The following COX18 variants were observed in gnomAD, a reference collection of about 807,000 sequenced individuals.
The protein encoded by COX18 is cytochrome c oxidase assembly factor COX18.
COX18 carries 45 observed loss-of-function variants against 38.0 expected under a neutral mutation model. The observed-to-expected ratio is 1.18, with a 90% CI of 0.93 to 1.52. The LOEUF (loss-of-function observed/expected upper bound fraction) is 1.52. Among genes scored for constraint, COX18 ranks in the 40% most tolerant of loss-of-function variants. COX18 has a pLI of 0.00. For synonymous variants in COX18, 177 were observed against 169.8 expected (o/e 1.04, Z -0.33); for missense variants, 462 against 423.8 (o/e 1.09, Z -0.79).
At chr4:73,058,334 C>T in intron 5 of COX18, 47 bp from the exon 6 acceptor site, 7 of 1,341,388 alleles carry the variant, frequency 5.2e-6, no homozygotes, top group Non-Finnish European at 7.3e-6. Flanking sequence ...TCTACAAGGA[C>T]ATCACAGTCC....
rs1430729979 is a variant in COX18, at chr4:73,065,320, A to T, written c.528T>A (p.Ile176=). 2.5e-6 allele frequency: 4 copies of T among 1,614,002 alleles called. No individual in the cohort carries two copies. In the Admixed American group the frequency reaches 6.7e-5, roughly 27 times the overall value. ...HPFKATVLVW[I]QLPMWIFMSF... ...ACATGAAGATCCACATTGGAAGCTGAATCCAAACCAACACAGTGGCTTTGA... is the reference window on the plus strand; with the variant it reads ...ACATGAAGATCCACATTGGAAGCTGTATCCAAACCAACACAGTGGCTTTGA... Residue 176 remains isoleucine, a synonymous_variant, in exon 3 of 6, where the codon ATT becomes ATA. Coordinates refer to ENST00000507544, the MANE Select transcript of COX18 (RefSeq NM_001297732.2).
intron 1 of COX18, 98 bp downstream of exon 1, chr4:73,069,219 A>G: frequency 1.1e-6 from 1 of 872,184 alleles, no homozygotes; most frequent in Non-Finnish European, 1.7e-6. Context: ...GCACTGCAGA[A>G]GGCAACATCG....
chr4:73,061,331 A>G (rs539769092), intron 5 of COX18, among the ~76,000 whole-genome samples: 29 of 152,318 alleles, frequency 1.9e-4, no homozygotes, highest in Middle Eastern at 3.4e-3. Context: ...AATTTAAAAA[A>G]AGGCAAGAAA....
At chr4:73,063,662 T>C (rs1720292840) in intron 4 of COX18, among the ~76,000 whole-genome samples, 1 of 152,230 alleles carries the variant, frequency 6.6e-6, no homozygotes, top group East Asian at 1.9e-4. Flanking sequence ...CTACCAAATA[T>C]TCACTGAACA....
chr4:73,065,177 T>TG, intron 3 of COX18, 73 bp downstream of exon 3: 1 of 598,742 alleles, frequency 1.7e-6, no homozygotes, highest in South Asian at 3.5e-5. Context: ...GTATGCTTTT[T>TG]TTTTTTTTTT....
Position 73,065,386 on chromosome 4 carries a change from C to A in COX18, c.462G>T (p.Arg154Ser). Residue 154 changes from arginine (R) to serine (S), a missense_variant, in exon 3 of 6, where the codon AGG becomes AGT. Coordinates refer to ENST00000507544, the MANE Select transcript of COX18 (RefSeq NM_001297732.2). ...CTCGCACATATAGCTCTGAAATTAG[C>A]CTCCTCATATTCTTTAGATAAGTGA... ...ARLTYLKNMR[R>S]LISELYVRDN... 6.2e-7 allele frequency: 1 copy of A among 1,612,988 alleles called. No individual in the cohort carries two copies. Among genetic ancestry groups the A allele is most frequent in the East Asian group, 2.2e-5 (1 of 44,870 alleles).
At position 73,056,336 on chromosome 4, in the gene COX18, T is replaced by C. The variant is rs532076056; in HGVS notation, c.*1778A>G. 1.3e-5 allele frequency: 2 copies of C among 152,344 alleles called. No individual in the cohort carries two copies. The highest frequency in any genetic ancestry group is 6.5e-5 in the Admixed American group (1 of 15,312). The allele number at this position is 152,344 out of a possible 1,614,324, so 9.4% of individuals were successfully genotyped here. On this transcript the variant is annotated 3_prime_UTR_variant, in exon 6 of 6. Transcript: ENST00000507544. ...CTATCATAGTTTAAGCCTATTAGGG[T>C]ACTTAATCCTTACAAATAAACAGGT...
Position 73,060,753 on chromosome 4 carries a change from G to A in COX18, c.831+1060C>T, listed in dbSNP as rs1447719973. ...AAATTAGCCAAGTGTGGTGGCGTGT[G>A]CCTGTAATCCCAGGTACTAGGGAGG... is the stretch of plus-strand genomic sequence containing the variant. On this transcript the variant is annotated intron_variant, in intron 5 of 5. Transcript: ENST00000507544. Among the ~76,000 whole-genome samples, 4 of 151,896 alleles carry A rather than the reference G, an allele frequency of 2.6e-5. No individual in the cohort carries two copies. The South Asian group carries it at 8.3e-4, about 32-fold the overall frequency.
intron 2 of COX18, among the ~76,000 whole-genome samples, chr4:73,067,706 G>A (rs1251211286): frequency 1.3e-5 from 2 of 150,168 alleles, no homozygotes; most frequent in Non-Finnish European, 3.0e-5. Flanking sequence ...CAGGCATGGT[G>A]GTGCCTACCT....
intron 1 of COX18, 59 bp from the exon 2 acceptor site, chr4:73,068,188 A>G: frequency 1.9e-6 from 2 of 1,048,276 alleles, no homozygotes; most frequent in Non-Finnish European, 2.8e-6. Flanking sequence ...ATAATGACTC[A>G]TAATCTTTCA....
At chr4:73,061,046 C>A (rs530809703) in intron 5 of COX18, among the ~76,000 whole-genome samples, 43 of 152,242 alleles carry the variant, frequency 2.8e-4, no homozygotes, top group Non-Finnish European at 5.7e-4. Flanking sequence ...GGGAAACATG[C>A]AAAAGACTGA....
At chr4:73,060,508 A>G (rs914856948) in intron 5 of COX18, among the ~76,000 whole-genome samples, 1 of 152,190 alleles carries the variant, frequency 6.6e-6, no homozygotes, top group Non-Finnish European at 1.5e-5. Context: ...TCTGCATAGG[A>G]TTAATGACAG....
intron 5 of COX18, among the ~76,000 whole-genome samples, chr4:73,058,714 C>T (rs1442066904): frequency 1.3e-5 from 2 of 152,122 alleles, no homozygotes; most frequent in African/African-American, 4.8e-5. Flanking sequence ...ATCTATCTTC[C>T]AAATGTTTCC....
At chr4:73,063,619 C>T (rs930908591) in intron 4 of COX18, among the ~76,000 whole-genome samples, 1 of 152,172 alleles carries the variant, frequency 6.6e-6, no homozygotes, top group Non-Finnish European at 1.5e-5. Context: ...GACATTGATT[C>T]ACTGTAACCT....
chr4:73,059,263 GTCCTGGAGGCAAAC>G (rs1720034954), intron 5 of COX18, among the ~76,000 whole-genome samples: 1 of 152,174 alleles, frequency 6.6e-6, no homozygotes, highest in Non-Finnish European at 1.5e-5. Flanking sequence ...TTAAGTCTAG[GTCCTGGAGGCAAAC>G]TGCCTGAATT....
At chr4:73,060,405 C>A (rs1199850005) in intron 5 of COX18, among the ~76,000 whole-genome samples, 1 of 152,156 alleles carries the variant, frequency 6.6e-6, no homozygotes. Context: ...TTTTACAACA[C>A]TACTACTTTA....
Position 73,061,793 on chromosome 4 carries a change from C to A in COX18, c.831+20G>T, listed in dbSNP as rs1379593156. On this transcript the variant is annotated intron_variant, in intron 5 of 5. Coordinates refer to ENST00000507544, the MANE Select transcript of COX18 (RefSeq NM_001297732.2). The stretch of plus-strand genomic sequence containing the variant: ...GAGAGGATTTAGCACATGCTACACA[C>A]AATATTGGTGCTTACTCACTGAGGG... 2.8e-6 allele frequency: 4 copies of A among 1,417,712 alleles called. No individual in the cohort carries two copies. The African/African-American group carries it at 5.7e-5, about 20-fold the overall frequency. The allele number at this position is 1,417,712 out of a possible 1,614,324, so 87.8% of individuals were successfully genotyped here.
rs781654851 is a variant in COX18 at position 73,068,030 on chromosome 4, T to C, written c.433A>G (p.Arg145Gly). 6.2e-7 allele frequency: 1 copy of C among 1,606,582 alleles called. No individual in the cohort carries two copies. The highest frequency in any genetic ancestry group is 1.1e-5 in the South Asian group (1 of 90,924). The change falls in exon 2 of 6, where the codon AGG (arginine) becomes GGG (glycine). Residue 145 changes from arginine (R) to glycine (G), a missense_variant and splice_region_variant. Coordinates refer to ENST00000507544, the MANE Select transcript of COX18 (RefSeq NM_001297732.2). Reference protein sequence around the residue: ...NQLGWSKRDARLTYLKNMRRL... With the variant: ...NQLGWSKRDAGLTYLKNMRRL... ...CTTACGTGGATATAATTAGCTTACCTGGCATCTCTTTTGGACCACCCCAAC... is the reference window on the plus strand; with the variant it reads ...CTTACGTGGATATAATTAGCTTACCCGGCATCTCTTTTGGACCACCCCAAC...
rs1015905603 is a variant in COX18 at position 73,057,674 on chromosome 4, CT to C, written c.*439del. On this transcript the variant is annotated 3_prime_UTR_variant, in exon 6 of 6. Transcript: ENST00000507544. ...ACTGTCAAATATATCTGGATTACAT[CT>C]TTTTTTTTTCTTTGATAGCGTTTCA... is the stretch of plus-strand genomic sequence containing the variant. 6.7e-5 allele frequency: 10 copies of C among 150,322 alleles called. No individual in the cohort carries two copies. The highest frequency in any genetic ancestry group is 2.0e-4 in the Admixed American group (3 of 15,112). The allele number at this position is 150,322 out of a possible 1,614,324, so 9.3% of individuals were successfully genotyped here.
Sources: allele counts gnomAD v4.1 joint callset (sites outside exome capture counted in the v4.1 genomes callset), GRCh38; gene constraint gnomAD v4.1.1; transcripts MANE v1.5; gene names NCBI Gene and HGNC (gene_info 2026-07-23, HGNC 2026-07-21).